The following FDFT1 variants were observed in gnomAD, a reference collection of about 807,000 sequenced individuals.
FDFT1 encodes the protein squalene synthase.
FDFT1 carries 68 observed loss-of-function variants against 46.8 expected under a neutral mutation model. The ratio of observed to expected loss-of-function variants is 1.45; its 90% CI spans 1.19 to 1.78. FDFT1 has a LOEUF of 1.78. FDFT1 is among the 40% of genes most tolerant of loss of function. The pLI, the probability that FDFT1 is intolerant of heterozygous loss-of-function variation, is 0.00. For missense variants in FDFT1, 928 were observed against 524.4 expected, an observed-to-expected ratio of 1.77 and a Z score of -7.52; for synonymous variants, 351 against 185.1, an observed-to-expected ratio of 1.90 and a Z score of -7.28.
chr8:11,832,553 A>AAAAAAAAAAAAAAAG lies in FDFT1; in HGVS notation c.1032+897_1032+898insGAAAAAAAAAAAAAA, dbSNP rs1810954442. Among the ~76,000 whole-genome samples, 2 of 76,934 alleles carry AAAAAAAAAAAAAAAG rather than the reference A, an allele frequency of 2.6e-5. 1 individual carries two copies. The highest frequency in any genetic ancestry group is 4.9e-5 in the Non-Finnish European group (2 of 40,536). 50.5% of individuals were successfully genotyped at this position (76,934 alleles called of 152,430 possible). The stretch of plus-strand genomic sequence containing the variant: ...GGTGATAGAGTGAGACTTTGTCTCA[A>AAAAAAAAAAAAAAAG]AAAAAAAAAAAAAAAAAAAAAAAGT... On this transcript the variant is annotated intron_variant, in intron 7 of 7. Coordinates refer to ENST00000220584, the MANE Select transcript of FDFT1 (RefSeq NM_004462.5).
At chr8:11,837,196 C>T (rs1178947368) in intron 7 of FDFT1, among the ~76,000 whole-genome samples, 2 of 152,216 alleles carry the variant, frequency 1.3e-5, no homozygotes, top group Non-Finnish European at 2.9e-5. Flanking sequence ...GCAGCAGCAT[C>T]GCATGGGCGA....
At chr8:11,796,790 G>C (rs1805604848) in intron 1 of FDFT1, among the ~76,000 whole-genome samples, 1 of 152,212 alleles carries the variant, frequency 6.6e-6, no homozygotes, top group Admixed American at 6.5e-5. Context: ...CCCCAAATTG[G>C]GCCTTAGCCC....
intron 3 of FDFT1, among the ~76,000 whole-genome samples, chr8:11,814,300 G>GTT (rs368859890): frequency 0.086 from 11,862 of 137,876 alleles, 922 homozygotes; most frequent in East Asian, 0.32. Context: ...GATTTTATAG[G>GTT]TTTTTTTTTT....
At chr8:11,805,263 G>A (rs1806685840) in intron 1 of FDFT1, among the ~76,000 whole-genome samples, 1 of 152,142 alleles carries the variant, frequency 6.6e-6, no homozygotes, top group Non-Finnish European at 1.5e-5. Flanking sequence ...AGCAGATACT[G>A]AGGGCTGATT....
At chr8:11,801,678 G>A, upstream of FDFT1, 1 of 305,406 alleles carries the variant, frequency 3.3e-6, no homozygotes. Flanking sequence ...CTGCAGGATG[G>A]CTTAGGTAGC....
At position 11,829,933 on chromosome 8, in the gene FDFT1, C is replaced by T. The variant is rs563309702; in HGVS notation, c.703-311C>T. 3.2e-4 allele frequency among the ~76,000 whole-genome samples: 48 copies of T among 151,798 alleles called. 2 individuals carry two copies. The highest frequency in any genetic ancestry group is 8.0e-4 in the African/African-American group (33 of 41,208). On this transcript the variant is annotated intron_variant, in intron 5 of 7. Transcript: ENST00000220584. Reference sequence around the variant, plus strand: ...CGAGATCTTGACTCACTGCAACCTCCGCCCCCTAGGTTCAAGCAATTCTTC... The same window carrying T: ...CGAGATCTTGACTCACTGCAACCTCTGCCCCCTAGGTTCAAGCAATTCTTC...
At chr8:11,826,275 TA>T (rs1809974913) in intron 5 of FDFT1, 60 bp downstream of exon 5, 1 of 1,325,844 alleles carries the variant, frequency 7.5e-7, no homozygotes, top group Admixed American at 2.2e-5. Context: ...AAAAATCCTT[TA>T]ACTCTTGTGG....
chr8:11,830,501 T>G (rs1810629593), intron 6 of FDFT1, 81 bp downstream of exon 6: 1 of 973,162 alleles, frequency 1.0e-6, no homozygotes, highest in Admixed American at 2.1e-5. Flanking sequence ...CTGTGCTATA[T>G]TCAAGGATAT....
rs532428842 is a variant in FDFT1, at chr8:11,811,976, C to T, written c.381+2126C>T. On this transcript the variant is annotated intron_variant, in intron 3 of 7. Transcript: ENST00000220584. ...GATATAGCTCAGTATGTCTTTGAAA[C>T]CAGTTGTCTGGGGCTAGGCCTGCAA... Among the ~76,000 whole-genome samples the T allele has an allele frequency of 3.3e-5, 5 of 152,296 alleles. No individual in the cohort carries two copies. In the East Asian group the frequency reaches 9.6e-4, roughly 29 times the overall value.
At chr8:11,807,683 C>CA (rs1284524023) in intron 1 of FDFT1, among the ~76,000 whole-genome samples, 1 of 152,210 alleles carries the variant, frequency 6.6e-6, no homozygotes, top group African/African-American at 2.4e-5. Context: ...TGGAAAAACA[C>CA]AGTCCTTGTT....
chr8:11,802,761 C>A lies in FDFT1; in HGVS notation c.-72C>A, dbSNP rs547646473. The stretch of plus-strand genomic sequence containing the variant: ...CCCTCGAAGCACCTACTCCACAGGT[C>A]CAGCCGGCCGGTGAGCGCCTGGGGA... On this transcript the variant is annotated 5_prime_UTR_variant, in exon 1 of 8. Transcript: ENST00000220584. 1.3e-5 allele frequency: 16 copies of A among 1,238,968 alleles called. No homozygotes were observed. The highest frequency in any genetic ancestry group is 1.6e-5 in the Non-Finnish European group (14 of 861,070). 76.7% of individuals were successfully genotyped at this position (1,238,968 alleles called of 1,614,324 possible). A position where few individuals can be genotyped will look rare whatever the true frequency, so the allele number is the denominator to read the frequency against.
chr8:11,838,191 C>T (rs144392308), intron 7 of FDFT1, among the ~76,000 whole-genome samples, 197 bp from the exon 8 acceptor site: 6 of 152,276 alleles, frequency 3.9e-5, no homozygotes, highest in Non-Finnish European at 7.4e-5. Flanking sequence ...GGAAGACAGG[C>T]TTTGAGATGA....
chr8:11,824,244 A>G (rs1385441840), intron 4 of FDFT1, among the ~76,000 whole-genome samples: 2 of 152,182 alleles, frequency 1.3e-5, no homozygotes, highest in Non-Finnish European at 2.9e-5. Context: ...CAATTATTGT[A>G]TGTGGATATT....
chr8:11,819,591 A>C (rs1808939902), intron 3 of FDFT1, among the ~76,000 whole-genome samples: 1 of 151,846 alleles, frequency 6.6e-6, no homozygotes, highest in South Asian at 2.1e-4. Context: ...TATTTCATTA[A>C]TTTGATCTTC....
At chr8:11,809,098 T>A in intron 2 of FDFT1, 2 of 1,283,016 alleles carry the variant, frequency 1.6e-6, no homozygotes, top group Non-Finnish European at 1.0e-6. Context: ...GCCCAGCCTT[T>A]CAGAGAAGAG....
chr8:11,809,389 C>G, intron 2 of FDFT1: 1 of 1,170,772 alleles, frequency 8.5e-7, no homozygotes, highest in Non-Finnish European at 1.1e-6. Context: ...GTCTTCTGGT[C>G]TCCATAGTTC....
intron 3 of FDFT1, 83 bp downstream of exon 3, chr8:11,809,933 G>A: frequency 9.2e-7 from 1 of 1,082,592 alleles, no homozygotes; most frequent in Non-Finnish European, 1.3e-6. Context: ...CATACATGTG[G>A]AGAAAGGTTA....
chr8:11,802,066 G>T (rs981835683), upstream of FDFT1: 12 of 455,528 alleles, frequency 2.6e-5, no homozygotes, highest in Non-Finnish European at 1.8e-5. Flanking sequence ...GCTCTCTAAG[G>T]CTTCAGCTCC....
At chr8:11,814,667 T>A (rs1808194975) in intron 3 of FDFT1, among the ~76,000 whole-genome samples, 2 of 152,206 alleles carry the variant, frequency 1.3e-5, no homozygotes, top group South Asian at 2.1e-4. Flanking sequence ...CAATTCAACT[T>A]TTTTACATTA....
Sources: allele counts gnomAD v4.1 joint callset (sites outside exome capture counted in the v4.1 genomes callset), GRCh38; gene constraint gnomAD v4.1.1; transcripts MANE v1.5; gene names NCBI Gene and HGNC (gene_info 2026-07-23, HGNC 2026-07-21).